Variants in DPYD observed in about 807,000 individuals in gnomAD.
DPYD encodes dihydropyrimidine dehydrogenase [NADP(+)].
In DPYD, 109 loss-of-function variants were observed where a neutral mutation model predicts 116.2. That is an observed-to-expected ratio of 0.94 (90% CI 0.80 to 1.10). DPYD has a LOEUF of 1.10. Among genes scored for constraint, DPYD ranks in the 50% least tolerant of loss-of-function variants. The probability of loss-of-function intolerance (pLI) is 0.00; values close to 1 mark genes in which losing one functional copy is unlikely to be tolerated. For missense variants in DPYD, 1,302 were observed against 1,254.5 expected (o/e 1.04, Z -0.57); for synonymous variants, 440 against 432.0 (o/e 1.02, Z -0.23).
chr1:97,140,022 A>AT (rs796701262), intron 20 of DPYD, among the ~76,000 whole-genome samples: 9,618 of 146,586 alleles, frequency 0.066, 1,014 homozygotes, highest in African/African-American at 0.22. Flanking sequence ...GGCAACTGAC[A>AT]TTTTTTTTTT....
At chr1:97,291,091 C>G (rs1162851480) in intron 18 of DPYD, among the ~76,000 whole-genome samples, 2 of 152,220 alleles carry the variant, frequency 1.3e-5, no homozygotes, top group African/African-American at 4.8e-5. Flanking sequence ...AAAAAATGCT[C>G]ATCATCACTG....
chr1:97,266,303 T>A (rs908926842), intron 18 of DPYD, among the ~76,000 whole-genome samples: 1 of 152,118 alleles, frequency 6.6e-6, no homozygotes, highest in Non-Finnish European at 1.5e-5. Flanking sequence ...AAATAGCACA[T>A]TAGTGTTCAG....
intron 3 of DPYD, among the ~76,000 whole-genome samples, chr1:97,752,238 C>A (rs1289952486): frequency 6.6e-6 from 1 of 150,432 alleles, no homozygotes; most frequent in Non-Finnish European, 1.5e-5. Flanking sequence ...TAGTTTTATT[C>A]CATAAAAATG....
chr1:97,407,461 T>C (rs1673728877), intron 14 of DPYD, among the ~76,000 whole-genome samples: 1 of 152,190 alleles, frequency 6.6e-6, no homozygotes. Flanking sequence ...TACTGTGTCT[T>C]AGGCAACGGA....
chr1:97,877,407 A>G (rs1671979117), intron 2 of DPYD, among the ~76,000 whole-genome samples: 1 of 151,936 alleles, frequency 6.6e-6, no homozygotes, highest in East Asian at 1.9e-4. Context: ...CAAGTGACAC[A>G]CAGGTTTCCA....
intron 18 of DPYD, among the ~76,000 whole-genome samples, chr1:97,259,990 AC>A (rs1400467151): frequency 6.6e-6 from 1 of 152,138 alleles, no homozygotes; most frequent in Non-Finnish European, 1.5e-5. Context: ...AAAGGTCTTC[AC>A]AAGAAAAAAA....
chr1:97,696,372 T>A (rs1207097905), intron 6 of DPYD, among the ~76,000 whole-genome samples: 2 of 152,098 alleles, frequency 1.3e-5, no homozygotes, highest in Admixed American at 6.6e-5. Flanking sequence ...AATGTATAAA[T>A]CTGTTGCTTA....
chr1:97,519,818 G>C lies in DPYD; in HGVS notation c.1525-3877C>G, dbSNP rs991684689. Among the ~76,000 whole-genome samples, 5 of 151,982 alleles carry C rather than the reference G, an allele frequency of 3.3e-5. No individual in the cohort carries two copies. The South Asian group carries it at 8.3e-4, about 25-fold the overall frequency. ...AATCATTGCTTCTCCAAAATACTTTGTGCCTCCCTACCTCTGCACTTTTCA... is the reference window on the plus strand; with the variant it reads ...AATCATTGCTTCTCCAAAATACTTTCTGCCTCCCTACCTCTGCACTTTTCA... On this transcript the variant is annotated intron_variant, in intron 12 of 22. Coordinates refer to ENST00000370192, the MANE Select transcript of DPYD (RefSeq NM_000110.4).
intron 19 of DPYD, among the ~76,000 whole-genome samples, chr1:97,219,875 T>C (rs1036095040): frequency 3.9e-5 from 6 of 152,192 alleles, no homozygotes; most frequent in Non-Finnish European, 7.3e-5. Flanking sequence ...ACAAGATTCA[T>C]CTCTGCCTAT....
chr1:97,505,268 T>C (rs1361542342), intron 13 of DPYD, among the ~76,000 whole-genome samples: 1 of 151,992 alleles, frequency 6.6e-6, no homozygotes, highest in Non-Finnish European at 1.5e-5. Context: ...AGGTTCCCTG[T>C]TTATACAACA....
intron 18 of DPYD, among the ~76,000 whole-genome samples, chr1:97,262,138 A>G (rs987061419): frequency 4.6e-5 from 7 of 151,918 alleles, no homozygotes; most frequent in African/African-American, 1.7e-4. Context: ...AGCAATACCC[A>G]CCTGCCTCAT....
chr1:97,774,970 A>C (rs1666320699), intron 3 of DPYD: 1 of 336,156 alleles, frequency 3.0e-6, no homozygotes. Flanking sequence ...TGCATGCCAA[A>C]CTGGAGTAGG....
chr1:97,664,899 A>G (rs979054031), intron 8 of DPYD, among the ~76,000 whole-genome samples: 1 of 152,124 alleles, frequency 6.6e-6, no homozygotes, highest in Non-Finnish European at 1.5e-5. Context: ...AAAAGAGAGC[A>G]TACTTAAATA....
At chr1:97,802,541 A>G (rs1313513897) in intron 3 of DPYD, among the ~76,000 whole-genome samples, 1 of 151,716 alleles carries the variant, frequency 6.6e-6, no homozygotes, top group Admixed American at 6.6e-5. Context: ...TCAAAGCACA[A>G]TTTTCCTTTT....
chr1:97,772,427 A>G (rs1235320590), intron 3 of DPYD, among the ~76,000 whole-genome samples: 1 of 152,226 alleles, frequency 6.6e-6, no homozygotes, highest in Non-Finnish European at 1.5e-5. Context: ...TCTTCTCTCC[A>G]CAGAAAACTG....
intron 8 of DPYD, among the ~76,000 whole-genome samples, chr1:97,612,648 T>A (rs900467756): frequency 6.6e-6 from 1 of 152,098 alleles, no homozygotes. Context: ...AAGACATATA[T>A]CATTTATTAA....
intron 16 of DPYD, among the ~76,000 whole-genome samples, chr1:97,341,106 T>A (rs1669566728): frequency 6.6e-6 from 1 of 152,166 alleles, no homozygotes; most frequent in Admixed American, 6.6e-5. Context: ...GTCTCTGGTC[T>A]TCCCCCATGT....
At chr1:97,674,352 C>T (rs1660029580) in intron 8 of DPYD, among the ~76,000 whole-genome samples, 1 of 152,120 alleles carries the variant, frequency 6.6e-6, no homozygotes, top group Non-Finnish European at 1.5e-5. Context: ...CCCCTTAGCC[C>T]CTTCTTTCTC....
At chr1:97,347,690 A>G (rs755758359) in intron 16 of DPYD, among the ~76,000 whole-genome samples, 1 of 152,000 alleles carries the variant, frequency 6.6e-6, no homozygotes, top group East Asian at 1.9e-4. Flanking sequence ...TTTTCAATTG[A>G]CAGACAAAAT....
Sources: allele counts gnomAD v4.1 joint callset (sites outside exome capture counted in the v4.1 genomes callset), GRCh38; gene constraint gnomAD v4.1.1; transcripts MANE v1.5; gene names NCBI Gene and HGNC (gene_info 2026-07-23, HGNC 2026-07-21).